The following GRM7 variants were observed in gnomAD, a reference collection of about 807,000 sequenced individuals.
GRM7 encodes glutamate metabotropic receptor 7.
GRM7 carries 35 observed loss-of-function variants against 84.5 expected under a neutral mutation model. That is an observed-to-expected ratio of 0.41 (90% CI 0.32 to 0.55). The LOEUF is 0.55. Ranked by LOEUF, GRM7 falls within the 20% of genes least tolerant of loss-of-function variation. The pLI is 0.19. For synonymous variants in GRM7, 487 were observed against 455.1 expected, an observed-to-expected ratio of 1.07 and a Z score of -0.89; for missense variants, 1,003 against 1,194.6, an observed-to-expected ratio of 0.84 and a Z score of 2.36.
intron 1 of GRM7, among the ~76,000 whole-genome samples, chr3:7,076,485 T>C (rs1369501386): frequency 2.0e-5 from 3 of 152,184 alleles, no homozygotes; most frequent in East Asian, 1.9e-4. Context: ...CCTGCTGCCA[T>C]GTAAGATGCA....
At chr3:7,091,377 A>T (rs923873921) in intron 1 of GRM7, among the ~76,000 whole-genome samples, 1 of 152,166 alleles carries the variant, frequency 6.6e-6, no homozygotes, top group African/African-American at 2.4e-5. Context: ...CATCATTTCT[A>T]CCATTTGATA....
intron 2 of GRM7, among the ~76,000 whole-genome samples, chr3:7,200,892 C>G (rs1164736120): frequency 6.6e-6 from 1 of 151,558 alleles, no homozygotes. Context: ...ATTGCCTCAC[C>G]TGGGGTGGTT....
At chr3:7,477,857 G>A (rs151016632) in intron 7 of GRM7, among the ~76,000 whole-genome samples, 3 of 151,946 alleles carry the variant, frequency 2.0e-5, no homozygotes, top group Admixed American at 1.3e-4. Context: ...CTTGGTCCAT[G>A]TCAATTTCTG....
At chr3:7,597,600 G>C (rs1389469703) in intron 8 of GRM7, among the ~76,000 whole-genome samples, 1 of 152,088 alleles carries the variant, frequency 6.6e-6, no homozygotes, top group East Asian at 1.9e-4. Context: ...TTGTGCACGT[G>C]AAGGGTATGA....
chr3:7,734,119 C>T (rs1218830509), intron 9 of GRM7, among the ~76,000 whole-genome samples: 1 of 151,964 alleles, frequency 6.6e-6, no homozygotes, highest in Admixed American at 6.6e-5. Flanking sequence ...TAGGCTGATG[C>T]TTCTCCATTC....
intron 4 of GRM7, among the ~76,000 whole-genome samples, chr3:7,388,270 G>T (rs1253085449): frequency 6.6e-6 from 1 of 151,990 alleles, no homozygotes; most frequent in African/African-American, 2.4e-5. Context: ...TTCCTACTTG[G>T]ATGCCTTTTG....
Position 7,713,427 on chromosome 3 carries a change from C to A in GRM7, c.2699-26930C>A, listed in dbSNP as rs570171103. The stretch of plus-strand genomic sequence containing the variant: ...TGCTGAGATTACAGGTGTGAGCCAC[C>A]GTGCCTGGCCAGGATTTCACTATAT... On this transcript the variant is annotated intron_variant, in intron 9 of 9. Transcript: ENST00000357716. Among the ~76,000 whole-genome samples the A allele has an allele frequency of 9.9e-5, 15 of 152,046 alleles. No homozygotes were observed. In the South Asian group the frequency reaches 3.1e-3, roughly 32 times the overall value.
chr3:7,510,118 C>T (rs1700155472), intron 7 of GRM7, among the ~76,000 whole-genome samples: 1 of 152,188 alleles, frequency 6.6e-6, no homozygotes, highest in Non-Finnish European at 1.5e-5. Flanking sequence ...TTTAAACCCC[C>T]ACTTTGATAG....
At chr3:7,490,442 A>G (rs1470865391) in intron 7 of GRM7, among the ~76,000 whole-genome samples, 1 of 152,158 alleles carries the variant, frequency 6.6e-6, no homozygotes, top group Non-Finnish European at 1.5e-5. Context: ...CCAGAATGGG[A>G]TGCAATTCAA....
intron 7 of GRM7, among the ~76,000 whole-genome samples, chr3:7,487,600 C>T (rs1436502797): frequency 6.6e-6 from 1 of 152,200 alleles, no homozygotes. Context: ...CAGGCCACTG[C>T]TCCAGAGGGC....
chr3:7,530,698 T>C (rs1171879783), intron 7 of GRM7, among the ~76,000 whole-genome samples: 6 of 152,232 alleles, frequency 3.9e-5, no homozygotes, highest in Non-Finnish European at 1.5e-5. Context: ...TGACCAGTGA[T>C]GATGGGCTTT....
chr3:7,392,525 C>A lies in GRM7; in HGVS notation c.1034-22498C>A, dbSNP rs537468225. On this transcript the variant is annotated intron_variant, in intron 4 of 9. Transcript: ENST00000357716. ...CTCCCAAAATGGTGCCAGCTGTGGG[C>A]TTGTGACCAGAGGTGGGTGGAATCC... 1.4e-4 allele frequency among the ~76,000 whole-genome samples: 22 copies of A among 152,296 alleles called. No homozygotes were observed. The East Asian group carries it at 3.9e-3, about 27-fold the overall frequency.
intron 1 of GRM7, among the ~76,000 whole-genome samples, chr3:7,108,941 T>C (rs1373811181): frequency 1.3e-5 from 2 of 152,086 alleles, no homozygotes; most frequent in Admixed American, 1.3e-4. Context: ...AGCATGCAAT[T>C]GGAGGTTTCA....
At chr3:7,648,281 A>T (rs117191464) in intron 8 of GRM7, among the ~76,000 whole-genome samples, 3,583 of 151,846 alleles carry the variant, frequency 0.024, 90 homozygotes, top group South Asian at 0.093. Flanking sequence ...GAAAAAAAAA[A>T]ATTGGCCATG....
At chr3:7,489,575 A>G (rs1205596575) in intron 7 of GRM7, among the ~76,000 whole-genome samples, 5 of 152,254 alleles carry the variant, frequency 3.3e-5, no homozygotes, top group African/African-American at 1.2e-4. Context: ...TCAGGTGACT[A>G]CGTAGCTTGT....
At chr3:7,492,549 T>C (rs1699559596) in intron 7 of GRM7, among the ~76,000 whole-genome samples, 1 of 152,106 alleles carries the variant, frequency 6.6e-6, no homozygotes, top group Admixed American at 6.6e-5. Context: ...GCTGAATCTA[T>C]AGCAATATAG....
intron 1 of GRM7, among the ~76,000 whole-genome samples, chr3:7,049,901 C>A (rs1161314651): frequency 6.6e-6 from 1 of 151,836 alleles, no homozygotes; most frequent in Non-Finnish European, 1.5e-5. Flanking sequence ...GAACTGGAAC[C>A]TAGTTTATTA....
intron 9 of GRM7, among the ~76,000 whole-genome samples, chr3:7,694,159 ATGCTGACTC>A (rs1700927193): frequency 6.6e-6 from 1 of 152,176 alleles, no homozygotes; most frequent in Non-Finnish European, 1.5e-5. Context: ...AAGCAAGAAA[ATGCTGACTC>A]TTTAGAAAAG....
intron 2 of GRM7, among the ~76,000 whole-genome samples, chr3:7,228,940 A>C (rs1348953736): frequency 2.0e-5 from 3 of 152,258 alleles, no homozygotes; most frequent in African/African-American, 7.2e-5. Context: ...AAATAACTTG[A>C]GAAATGTTGA....
Sources: allele counts gnomAD v4.1 joint callset (sites outside exome capture counted in the v4.1 genomes callset), GRCh38; gene constraint gnomAD v4.1.1; transcripts MANE v1.5; gene names NCBI Gene and HGNC (gene_info 2026-07-23, HGNC 2026-07-21).